The following GALNT17 variants were observed in gnomAD, a reference collection of about 807,000 sequenced individuals.
GALNT17 encodes polypeptide N-acetylgalactosaminyltransferase 17.
In GALNT17, 29 loss-of-function variants were observed where a neutral mutation model predicts 63.7. The ratio of observed to expected loss-of-function variants is 0.46; its 90% confidence interval spans 0.34 to 0.62. The LOEUF (loss-of-function observed/expected upper bound fraction) is 0.62. GALNT17 is among the 20% of genes least tolerant of loss of function. The probability of loss-of-function intolerance (pLI) is 0.01; values close to 1 mark genes in which losing one functional copy is unlikely to be tolerated. For missense variants in GALNT17, 603 were observed against 799.6 expected (o/e 0.75, Z 2.97); for synonymous variants, 305 against 318.3 (o/e 0.96, Z 0.45).
chr7:71,201,428 T>G (rs1362759926), intron 1 of GALNT17, among the ~76,000 whole-genome samples: 1 of 151,950 alleles, frequency 6.6e-6, no homozygotes, highest in Non-Finnish European at 1.5e-5. Context: ...TCTCTTCTGT[T>G]ATACACATTC....
chr7:71,189,226 ATTCT>A (rs1405071624), intron 1 of GALNT17, among the ~76,000 whole-genome samples: 1 of 152,068 alleles, frequency 6.6e-6, no homozygotes, highest in Non-Finnish European at 1.5e-5. Flanking sequence ...CTTGGTTCTC[ATTCT>A]TTCTTGCCTG....
chr7:71,659,264 T>C (rs2117035431), intron 6 of GALNT17, among the ~76,000 whole-genome samples: 1 of 152,350 alleles, frequency 6.6e-6, no homozygotes, highest in East Asian at 1.9e-4. Context: ...ATGTATCACT[T>C]ATGTATTGCA....
intron 7 of GALNT17, among the ~76,000 whole-genome samples, chr7:71,668,805 C>T (rs1270837744): frequency 2.0e-5 from 3 of 152,056 alleles, no homozygotes; most frequent in African/African-American, 7.2e-5. Flanking sequence ...CACACAGCAG[C>T]CATTATGGGT....
At chr7:71,363,461 G>A (rs902518475) in intron 2 of GALNT17, among the ~76,000 whole-genome samples, 1 of 152,280 alleles carries the variant, frequency 6.6e-6, no homozygotes, top group African/African-American at 2.4e-5. Context: ...AGCAGCCAAT[G>A]CCAGCCGCCA....
At chr7:71,316,153 AG>A (rs1035706794) in intron 1 of GALNT17, among the ~76,000 whole-genome samples, 6 of 133,066 alleles carry the variant, frequency 4.5e-5, no homozygotes, top group African/African-American at 1.6e-4. Flanking sequence ...GCAGGAGCAA[AG>A]GGAGGAAGGC....
intron 5 of GALNT17, among the ~76,000 whole-genome samples, chr7:71,503,351 C>A (rs918126536): frequency 2.0e-4 from 31 of 152,166 alleles, no homozygotes; most frequent in African/African-American, 7.5e-4. Flanking sequence ...AGCTATTCTC[C>A]TGCCTCAGCC....
intron 6 of GALNT17, among the ~76,000 whole-genome samples, chr7:71,657,206 G>A (rs1274297131): frequency 6.6e-6 from 1 of 152,130 alleles, no homozygotes; most frequent in Non-Finnish European, 1.5e-5. Flanking sequence ...TACACAAGAT[G>A]ATGTGGACCA....
At chr7:71,430,854 T>C (rs2116485939) in intron 5 of GALNT17, among the ~76,000 whole-genome samples, 1 of 152,300 alleles carries the variant, frequency 6.6e-6, no homozygotes. Context: ...GACTTTAAAA[T>C]AGAGGTATCT....
chr7:71,569,521 C>T (rs888511088), intron 5 of GALNT17, among the ~76,000 whole-genome samples: 12 of 152,078 alleles, frequency 7.9e-5, no homozygotes, highest in East Asian at 1.9e-4. Context: ...CAAGTGAGAG[C>T]GAATGGTATT....
At chr7:71,581,250 C>A (rs562410193) in intron 6 of GALNT17, among the ~76,000 whole-genome samples, 1 of 152,296 alleles carries the variant, frequency 6.6e-6, no homozygotes, top group South Asian at 2.1e-4. Flanking sequence ...ACCTCCATCT[C>A]CTGGGCTCAA....
chr7:71,192,319 G>A (rs1788966389), intron 1 of GALNT17, among the ~76,000 whole-genome samples: 1 of 152,030 alleles, frequency 6.6e-6, no homozygotes, highest in African/African-American at 2.4e-5. Context: ...GACACACCCA[G>A]GGACAATACT....
chr7:71,287,227 C>T (rs1372406008), intron 1 of GALNT17, among the ~76,000 whole-genome samples: 1 of 152,038 alleles, frequency 6.6e-6, no homozygotes, highest in Non-Finnish European at 1.5e-5. Flanking sequence ...GTAGCTGAGA[C>T]TACAGGCATT....
intron 9 of GALNT17, among the ~76,000 whole-genome samples, chr7:71,679,788 C>A (rs1791210913): frequency 6.6e-6 from 1 of 152,018 alleles, no homozygotes; most frequent in Non-Finnish European, 1.5e-5. Flanking sequence ...GCTGCGACAA[C>A]ACCAGCTCCT....
rs1204906075 is a variant in GALNT17 at position 71,201,295 on chromosome 7, A to G, written c.238+68255A>G. ...ATGCGTGTATGGCTTAATACTATAC[A>G]TGTGTGGATTTTCCAGTCATATTGG... On this transcript the variant is annotated intron_variant, in intron 1 of 10. Transcript: ENST00000333538. 2.1e-5 allele frequency among the ~76,000 whole-genome samples: 3 copies of G among 142,524 alleles called. No homozygotes were observed. The East Asian group carries it at 6.5e-4, about 31-fold the overall frequency. The allele number at this position is 142,524 out of a possible 152,430, so 93.5% of individuals were successfully genotyped here.
At chr7:71,700,240 G>A (rs28513592) in intron 9 of GALNT17, among the ~76,000 whole-genome samples, 8,521 of 151,760 alleles carry the variant, frequency 0.056, 794 homozygotes, top group African/African-American at 0.19. Context: ...CCCAGGTGGC[G>A]GAGGTTGCAG....
At chr7:71,361,888 G>A (rs1284545512) in intron 2 of GALNT17, among the ~76,000 whole-genome samples, 1 of 152,126 alleles carries the variant, frequency 6.6e-6, no homozygotes, top group African/African-American at 2.4e-5. Flanking sequence ...ATTGAACTAC[G>A]GCTGGGGCTG....
chr7:71,700,918 A>C (rs1791621962), intron 9 of GALNT17, among the ~76,000 whole-genome samples: 1 of 152,196 alleles, frequency 6.6e-6, no homozygotes, highest in South Asian at 2.1e-4. Context: ...TCATGATGTC[A>C]ACAAATATTT....
chr7:71,519,656 A>AT (rs1415826080), intron 5 of GALNT17, among the ~76,000 whole-genome samples: 1 of 151,878 alleles, frequency 6.6e-6, no homozygotes, highest in Non-Finnish European at 1.5e-5. Context: ...TAGAGATGAG[A>AT]TTTTACCGTA....
At chr7:71,174,825 C>T (rs958518910) in intron 1 of GALNT17, among the ~76,000 whole-genome samples, 8 of 152,136 alleles carry the variant, frequency 5.3e-5, no homozygotes, top group Non-Finnish European at 1.2e-4. Flanking sequence ...TGGATGTAGA[C>T]GTGTAGGTCA....
Sources: gnomAD v4.1 joint callset for allele counts (sites outside exome capture counted in the v4.1 genomes callset) on GRCh38, gnomAD v4.1.1 for gene constraint, MANE v1.5 for transcripts, NCBI Gene and HGNC (gene_info 2026-07-23, HGNC 2026-07-21) for gene names.